Variants in TOGARAM2 observed in about 807,000 individuals in gnomAD.
The protein encoded by TOGARAM2 is TOG array regulator of axonemal microtubules 2.
A neutral mutation model predicts 93.3 loss-of-function variants in TOGARAM2; 85 were observed. That is an observed-to-expected ratio of 0.91 (90% CI 0.76 to 1.09). The LOEUF (loss-of-function observed/expected upper bound fraction) is 1.09, where lower values mean the gene tolerates loss of function less well. Ranked by LOEUF, TOGARAM2 falls within the 50% of genes least tolerant of loss-of-function variation. The pLI, the probability that TOGARAM2 is intolerant of heterozygous loss-of-function variation, is 0.00. For synonymous variants in TOGARAM2, 593 were observed against 552.8 expected (o/e 1.07, Z -1.02); for missense variants, 1,277 against 1,334.5 (o/e 0.96, Z 0.67).
chr2:29,027,181 A>G (rs1428295478), intron 14 of TOGARAM2, among the ~76,000 whole-genome samples, 170 bp downstream of exon 14: 1 of 152,294 alleles, frequency 6.6e-6, no homozygotes, highest in African/African-American at 2.4e-5. Flanking sequence ...CATCAAGCCA[A>G]GCCCATTCAG....
chr2:29,033,218 C>T (rs1298547969), intron 15 of TOGARAM2, among the ~76,000 whole-genome samples, 167 bp downstream of exon 15: 1 of 152,178 alleles, frequency 6.6e-6, no homozygotes, highest in Non-Finnish European at 1.5e-5. Flanking sequence ...GTCCTCTGTG[C>T]TCACACCTGG....
intron 6 of TOGARAM2, among the ~76,000 whole-genome samples, chr2:29,005,976 C>T (rs577249903): frequency 3.9e-4 from 18 of 46,500 alleles, no homozygotes; most frequent in African/African-American, 9.7e-4. Context: ...TGTGTGAGAC[C>T]GTATGAGTGC....
At chr2:29,017,580 T>C (rs1448559523) in intron 9 of TOGARAM2, among the ~76,000 whole-genome samples, 1 of 152,062 alleles carries the variant, frequency 6.6e-6, no homozygotes, top group African/African-American at 2.4e-5. Flanking sequence ...CTAATTTCTT[T>C]TAAATTTTCT....
intron 1 of TOGARAM2, among the ~76,000 whole-genome samples, chr2:28,970,605 C>T (rs1671934131): frequency 6.6e-6 from 1 of 152,140 alleles, no homozygotes; most frequent in African/African-American, 2.4e-5. Flanking sequence ...TCACTATCCA[C>T]CTATATCAAG....
chr2:29,029,654 G>A (rs1040852442), intron 14 of TOGARAM2, among the ~76,000 whole-genome samples: 2 of 148,884 alleles, frequency 1.3e-5, no homozygotes, highest in African/African-American at 2.4e-5. Context: ...TACTCAGGAG[G>A]CTGAGGCAGG....
At chr2:29,004,833 ATG>A (rs968407311) in intron 6 of TOGARAM2, among the ~76,000 whole-genome samples, 1 of 147,306 alleles carries the variant, frequency 6.8e-6, no homozygotes, top group Non-Finnish European at 1.5e-5. Flanking sequence ...GTGTGCATGT[ATG>A]TGTATGAGTG....
intron 1 of TOGARAM2, among the ~76,000 whole-genome samples, chr2:28,987,906 C>T (rs879479859): frequency 3.9e-5 from 6 of 152,200 alleles, no homozygotes; most frequent in African/African-American, 1.2e-4. Context: ...GCCTGAGTGG[C>T]GGGGGGCCTT....
chr2:28,958,536 A>G lies in TOGARAM2; in HGVS notation c.-147+1839A>G, dbSNP rs565754358. ...GCCCAGATTTTGAACTCCTGGGCTT[A>G]AGCAATCCTCCCTCCTTGGCCTCCC... On this transcript the variant is annotated intron_variant, in intron 1 of 6. Transcript: ENST00000401723. Among the ~76,000 whole-genome samples the G allele has an allele frequency of 2.0e-5, 3 of 152,208 alleles. No individual in the cohort carries two copies. The South Asian group carries it at 6.2e-4, about 32-fold the overall frequency.
intron 7 of TOGARAM2, among the ~76,000 whole-genome samples, chr2:29,012,592 C>T (rs1664321209): frequency 6.6e-6 from 1 of 152,198 alleles, no homozygotes; most frequent in Non-Finnish European, 1.5e-5. Flanking sequence ...TGCTTGAGAA[C>T]CAGGTCACCA....
intron 18 of TOGARAM2, among the ~76,000 whole-genome samples, chr2:29,037,620 CTGGGGCTGGGACAGGCACCGTGTCCT>C (rs1666198277): frequency 6.6e-6 from 1 of 152,152 alleles, no homozygotes; most frequent in Non-Finnish European, 1.5e-5. Context: ...GCCCAGCTCC[CTGGGGCTGGGACAGGCACCGTGTCCT>C]TGGCTGGAGG....
chr2:29,017,011 A>G, intron 8 of TOGARAM2, 143 bp from the exon 9 acceptor site: 1 of 1,016,382 alleles, frequency 9.8e-7, no homozygotes, highest in East Asian at 2.5e-5. Context: ...CCCACACTTC[A>G]AAGCTCTTAA....
upstream of TOGARAM2, among the ~76,000 whole-genome samples, chr2:28,978,931 G>A (rs72857413): frequency 0.16 from 24,555 of 152,116 alleles, 2,077 homozygotes; most frequent in South Asian, 0.2. Context: ...TGTGAGACTC[G>A]AGGCTTAAAC....
chr2:29,031,263 G>A (rs1665753029), intron 14 of TOGARAM2, among the ~76,000 whole-genome samples: 1 of 152,184 alleles, frequency 6.6e-6, no homozygotes, highest in Admixed American at 6.5e-5. Context: ...TTGAACTCCT[G>A]GGCTCATGTA....
chr2:28,980,166 C>T (rs1260770081), upstream of TOGARAM2, among the ~76,000 whole-genome samples: 1 of 152,204 alleles, frequency 6.6e-6, no homozygotes, highest in East Asian at 1.9e-4. Flanking sequence ...CAGCTGTGAC[C>T]TCTGGCTTGG....
intron 8 of TOGARAM2, among the ~76,000 whole-genome samples, chr2:29,015,037 G>A (rs1664476144): frequency 6.6e-6 from 1 of 152,222 alleles, no homozygotes; most frequent in African/African-American, 2.4e-5. Flanking sequence ...GGTGACCTTG[G>A]AAGGTGGTCT....
intron 1 of TOGARAM2, among the ~76,000 whole-genome samples, chr2:28,993,723 C>T (rs901617472): frequency 1.4e-4 from 22 of 152,156 alleles, no homozygotes; most frequent in Non-Finnish European, 1.2e-4. Flanking sequence ...CTGGGCCGGG[C>T]ACTGGGCTGG....
At chr2:28,975,942 T>A (rs1225613919) in intron 1 of TOGARAM2, among the ~76,000 whole-genome samples, 1 of 132,848 alleles carries the variant, frequency 7.5e-6, no homozygotes, top group Non-Finnish European at 1.6e-5. Flanking sequence ...GGAGGCTTTT[T>A]AAAAAAATGA....
In TOGARAM2 at chr2:28,999,633, C is replaced by T. The variant is rs770877687; in HGVS notation, c.427+165C>T. 3.9e-5 allele frequency among the ~76,000 whole-genome samples: 6 copies of T among 152,322 alleles called. 1 individual carries two copies. The East Asian group carries it at 9.6e-4, about 24-fold the overall frequency. On this transcript the variant is annotated intron_variant, in intron 4 of 19. Coordinates refer to ENST00000379558, the MANE Select transcript of TOGARAM2 (RefSeq NM_199280.4). ...ACCTTCTCTATGGCTTCAGCGACCT[C>T]CTTGGAGCTGAGCCTCCCTCCCGGG...
At chr2:28,988,396 C>T (rs1440212379) in intron 1 of TOGARAM2, among the ~76,000 whole-genome samples, 1 of 152,136 alleles carries the variant, frequency 6.6e-6, no homozygotes, top group Non-Finnish European at 1.5e-5. Context: ...TTCCTGACCT[C>T]TCCCTCTGTA....
Sources: gnomAD v4.1 joint callset for allele counts (sites outside exome capture counted in the v4.1 genomes callset) on GRCh38, gnomAD v4.1.1 for gene constraint, MANE v1.5 for transcripts, NCBI Gene and HGNC (gene_info 2026-07-23, HGNC 2026-07-21) for gene names.